The following COMMD10 variants were observed in gnomAD, a reference collection of about 807,000 sequenced individuals.
COMMD10 encodes COMM domain containing 10.
Under a neutral mutation model 28.9 loss-of-function variants are expected in COMMD10, and 33 were observed. The observed-to-expected ratio is 1.14, with a 90% CI of 0.87 to 1.53. COMMD10 has a LOEUF of 1.53. Ranked by LOEUF, COMMD10 falls within the 40% of genes most tolerant of loss-of-function variation. COMMD10 has a pLI of 0.00. For missense variants in COMMD10, 310 were observed against 233.4 expected (o/e 1.33, Z -2.14); for synonymous variants, 110 against 81.7 (o/e 1.35, Z -1.87).
At chr5:116,282,410 C>T (rs1001520297) in intron 5 of COMMD10, among the ~76,000 whole-genome samples, 17 of 151,832 alleles carry the variant, frequency 1.1e-4, no homozygotes, top group South Asian at 2.1e-4. Context: ...AATTCATTTC[C>T]AAATAAAAGC....
intron 5 of COMMD10, among the ~76,000 whole-genome samples, chr5:116,263,297 A>G (rs1053059541): frequency 2.0e-5 from 3 of 151,788 alleles, no homozygotes; most frequent in Admixed American, 6.6e-5. Flanking sequence ...CCTACAAACC[A>G]TAAATTCTCA....
chr5:116,254,573 A>T (rs1423909416), intron 5 of COMMD10, among the ~76,000 whole-genome samples: 2 of 151,430 alleles, frequency 1.3e-5, no homozygotes. Context: ...GTCATTCAGG[A>T]GCAGGTGGTT....
intron 5 of COMMD10, among the ~76,000 whole-genome samples, chr5:116,216,624 C>G (rs930756734): frequency 6.6e-6 from 1 of 152,134 alleles, no homozygotes; most frequent in Non-Finnish European, 1.5e-5. Context: ...CTGTGCCTCC[C>G]GGAGGTTCAA....
At chr5:116,263,883 A>G (rs1390375007) in intron 5 of COMMD10, among the ~76,000 whole-genome samples, 3 of 151,782 alleles carry the variant, frequency 2.0e-5, no homozygotes, top group Non-Finnish European at 4.4e-5. Flanking sequence ...CCTTGGGCAC[A>G]TGTTCTCAGG....
At chr5:116,210,221 G>T (rs933388816) in intron 5 of COMMD10, among the ~76,000 whole-genome samples, 2 of 152,038 alleles carry the variant, frequency 1.3e-5, no homozygotes, top group Non-Finnish European at 2.9e-5. Flanking sequence ...CATTTGCAAT[G>T]GCAATTAAAT....
intron 5 of COMMD10, chr5:116,255,796 TC>T (rs1750267581): frequency 6.6e-6 from 1 of 151,306 alleles, no homozygotes; most frequent in Non-Finnish European, 1.5e-5. Context: ...GCTTACTTTT[TC>T]GGGTTGTACC....
At chr5:116,221,881 G>A (rs1749269241) in intron 5 of COMMD10, among the ~76,000 whole-genome samples, 1 of 152,106 alleles carries the variant, frequency 6.6e-6, no homozygotes, top group Non-Finnish European at 1.5e-5. Context: ...ACATAGACAG[G>A]TAGATAGGAA....
intron 5 of COMMD10, among the ~76,000 whole-genome samples, chr5:116,212,145 C>T (rs1368781548): frequency 6.6e-6 from 1 of 152,088 alleles, no homozygotes; most frequent in Admixed American, 6.6e-5. Context: ...TTCTGTTCCT[C>T]CTTTCAAAAG....
chr5:116,128,638 A>G (rs1266982266), intron 4 of COMMD10, among the ~76,000 whole-genome samples: 1 of 151,950 alleles, frequency 6.6e-6, no homozygotes, highest in East Asian at 1.9e-4. Context: ...AAATGGTATG[A>G]GATTTTTCAT....
At chr5:116,272,611 C>T (rs891279751) in intron 5 of COMMD10, among the ~76,000 whole-genome samples, 5 of 151,838 alleles carry the variant, frequency 3.3e-5, no homozygotes, top group African/African-American at 1.2e-4. Flanking sequence ...TGTGCTTTGT[C>T]TTCAGGATCA....
At chr5:116,165,849 A>G (rs1027268488) in intron 5 of COMMD10, among the ~76,000 whole-genome samples, 2 of 152,066 alleles carry the variant, frequency 1.3e-5, no homozygotes, top group South Asian at 4.1e-4. Context: ...TCCAAATGCA[A>G]CTACACTGCT....
At chr5:116,114,624 G>A (rs1050020527) in intron 4 of COMMD10, among the ~76,000 whole-genome samples, 1 of 152,332 alleles carries the variant, frequency 6.6e-6, no homozygotes, top group Admixed American at 6.5e-5. Context: ...GATTGGGAAA[G>A]CCTGGGCTTG....
At chr5:116,128,017 G>C (rs560161031) in intron 4 of COMMD10, among the ~76,000 whole-genome samples, 1 of 152,072 alleles carries the variant, frequency 6.6e-6, no homozygotes, top group Non-Finnish European at 1.5e-5. Flanking sequence ...TTGTGTATGT[G>C]TGTCAGTTCG....
At chr5:116,093,782 A>G (rs992148091) in intron 4 of COMMD10, among the ~76,000 whole-genome samples, 4 of 152,234 alleles carry the variant, frequency 2.6e-5, no homozygotes, top group African/African-American at 9.6e-5. Flanking sequence ...CTTGTATTAC[A>G]AGGCTATAGT....
chr5:116,152,240 GTTC>G (rs1326235536), intron 5 of COMMD10, among the ~76,000 whole-genome samples: 1 of 152,096 alleles, frequency 6.6e-6, no homozygotes, highest in African/African-American at 2.4e-5. Flanking sequence ...TATAATTTGT[GTTC>G]TTTTACATTT....
At chr5:116,213,417 T>C (rs1749018451) in intron 5 of COMMD10, among the ~76,000 whole-genome samples, 1 of 152,148 alleles carries the variant, frequency 6.6e-6, no homozygotes, top group African/African-American at 2.4e-5. Context: ...CTCTGGGTCA[T>C]GGTAAAAATA....
At chr5:116,229,219 T>G (rs889873930) in intron 5 of COMMD10, among the ~76,000 whole-genome samples, 4 of 151,960 alleles carry the variant, frequency 2.6e-5, no homozygotes, top group Non-Finnish European at 5.9e-5. Context: ...AGATTGATGA[T>G]TTGTTTTGAG....
chr5:116,285,678 C>A (rs764348136), intron 5 of COMMD10, among the ~76,000 whole-genome samples: 1 of 151,880 alleles, frequency 6.6e-6, no homozygotes, highest in South Asian at 2.1e-4. Context: ...TATGCTGAAC[C>A]ATGCTTGCAT....
chr5:116,266,096 G>A (rs1381930776), intron 5 of COMMD10, among the ~76,000 whole-genome samples: 3 of 151,618 alleles, frequency 2.0e-5, no homozygotes, highest in South Asian at 2.1e-4. Flanking sequence ...TTAAAAAAGC[G>A]GCAGGATTTT....
Sources: gnomAD v4.1 joint callset for allele counts (sites outside exome capture counted in the v4.1 genomes callset) on GRCh38, gnomAD v4.1.1 for gene constraint, MANE v1.5 for transcripts, NCBI Gene and HGNC (gene_info 2026-07-23, HGNC 2026-07-21) for gene names.